Variants in IL17RA observed in about 807,000 individuals in gnomAD.
IL17RA encodes interleukin 17 receptor A.
IL17RA carries 34 observed loss-of-function variants against 50.4 expected under a neutral mutation model. That is an observed-to-expected ratio of 0.67 (90% CI 0.51 to 0.90). IL17RA has a LOEUF of 0.90. IL17RA is among the 40% of genes least tolerant of loss of function. The pLI, the probability that IL17RA is intolerant of heterozygous loss-of-function variation, is 0.00. For missense variants in IL17RA, 1,276 were observed against 1,169.8 expected, an observed-to-expected ratio of 1.09 and a Z score of -1.32; for synonymous variants, 585 against 510.4, an observed-to-expected ratio of 1.15 and a Z score of -1.97.
At chr22:17,106,647 A>G (rs2123808728) in intron 11 of IL17RA, among the ~76,000 whole-genome samples, 1 of 152,316 alleles carries the variant, frequency 6.6e-6, no homozygotes. Flanking sequence ...CTGCCCCACC[A>G]TGACCCTAGG....
In IL17RA at chr22:17,099,549, C is replaced by T. The variant is rs771297614; in HGVS notation, c.423+662C>T. On this transcript the variant is annotated intron_variant, in intron 4 of 12. Transcript: ENST00000319363. Reference sequence around the variant, plus strand: ...CTGGTGCTTAACCCTTAAGTCATCACGATGCGAGCCTTAGTTTGAAGACTA... The same window carrying T: ...CTGGTGCTTAACCCTTAAGTCATCATGATGCGAGCCTTAGTTTGAAGACTA... 1.2e-4 allele frequency among the ~76,000 whole-genome samples: 19 copies of T among 152,050 alleles called. No homozygotes were observed. The East Asian group carries it at 1.7e-3, about 14-fold the overall frequency.
intron 2 of IL17RA, chr22:17,097,409 TTGA>T (rs1360634166): frequency 7.8e-6 from 4 of 513,388 alleles, no homozygotes; most frequent in African/African-American, 7.7e-5. Flanking sequence ...ATCTGTGCTG[TTGA>T]TTTTGTTTTG....
In IL17RA at chr22:17,109,178, C is replaced by T. The variant is rs1032234316; in HGVS notation, c.1959C>T (p.His653=). 2.0e-5 allele frequency: 31 copies of T among 1,525,092 alleles called. No homozygotes were observed. In the Admixed American group the frequency reaches 4.8e-4, roughly 23 times the overall value. The allele number at this position is 1,525,092 out of a possible 1,614,324, so 94.5% of individuals were successfully genotyped here. The change falls in exon 13 of 13, where the codon CAC becomes CAT. Residue 653 remains histidine (H), a synonymous_variant. Transcript: ENST00000319363. The stretch of plus-strand genomic sequence containing the variant: ...CAGCAGTGGCAAAGCTGGAACCTCA[C>T]CTGCAGCCCCGGGGTCAGCCAGCGC... The part of the protein sequence containing the change: ...GGAAVAKLEP[H]LQPRGQPAPQ...
At chr22:17,094,673 C>CTATATATATATATA (rs1568917416) in intron 1 of IL17RA, among the ~76,000 whole-genome samples, 663 of 47,810 alleles carry the variant, frequency 0.014, 54 homozygotes, top group Non-Finnish European at 0.018. Flanking sequence ...CTCTCTCTCT[C>CTATATATATATATA]TCTCTCTCTC....
At chr22:17,105,126 G>A (rs1410022267) in intron 9 of IL17RA, among the ~76,000 whole-genome samples, 3 of 152,206 alleles carry the variant, frequency 2.0e-5, no homozygotes, top group Non-Finnish European at 4.4e-5. Flanking sequence ...TGAGCGCAGT[G>A]CTCCAACATG....
intron 4 of IL17RA, among the ~76,000 whole-genome samples, chr22:17,099,176 T>C (rs1476659105): frequency 6.6e-6 from 1 of 152,226 alleles, no homozygotes; most frequent in Non-Finnish European, 1.5e-5. Flanking sequence ...GAAGTTGAAT[T>C]GGAAGGCAGC....
Position 17,110,933 on chromosome 22 carries a change from C to G in IL17RA, c.*1113C>G, listed in dbSNP as rs882643. On this transcript the variant is annotated 3_prime_UTR_variant, in exon 13 of 13. Transcript: ENST00000319363. ...GGGGATCCCCGAGGAGATGCCTGAGCTGAAGGATTGTGGTTGGGGAAAGCG... is the reference window on the plus strand; with the variant it reads ...GGGGATCCCCGAGGAGATGCCTGAGGTGAAGGATTGTGGTTGGGGAAAGCG... The G allele has an allele frequency of 0.12, 18,576 of 152,428 alleles. 1,354 individuals carry two copies. Among genetic ancestry groups the G allele is most frequent in the Non-Finnish European group, 0.16 (10,863 of 68,162 alleles). 9.4% of individuals were successfully genotyped at this position (152,428 alleles called of 1,614,324 possible). A position where few individuals can be genotyped will look rare whatever the true frequency, so the allele number is the denominator to read the frequency against.
chr22:17,106,457 G>C (rs1260276054), intron 11 of IL17RA, among the ~76,000 whole-genome samples: 2 of 152,226 alleles, frequency 1.3e-5, no homozygotes, highest in Admixed American at 6.5e-5. Flanking sequence ...TCACTTTTCT[G>C]TAAAATGTAC....
intron 10 of IL17RA, 111 bp downstream of exon 10, chr22:17,105,713 C>A (rs867675646): frequency 2.2e-6 from 3 of 1,341,654 alleles, no homozygotes; most frequent in Non-Finnish European, 3.0e-6. Flanking sequence ...CCGAGGCCAG[C>A]CCGGGGTGGG....
rs140221307 is a variant in IL17RA at position 17,105,867 on chromosome 22, T to C, written c.958T>C (p.Trp320Arg). The change falls in exon 11 of 13, where the codon TGG becomes CGG. Residue 320 changes from tryptophan (W) to arginine (R), a missense_variant. By Grantham distance (101) the Trp-to-Arg change is moderately radical. Transcript: ENST00000319363. ...GCTCACCGCAGACTACATGCCCCTG[T>C]GGGTGTACTGGTTCATCACGGGCAT... ...PEPIPDYMPL[W>R]VYWFITGISI... is the part of the protein sequence containing the mutation. 3.9e-3 allele frequency: 6,272 copies of C among 1,613,944 alleles called. 19 individuals carry two copies. The highest frequency in any genetic ancestry group is 4.9e-3 in the Non-Finnish European group (5,821 of 1,179,866).
intron 10 of IL17RA, 57 bp downstream of exon 10, chr22:17,105,659 G>A (rs1172837367): frequency 7.0e-5 from 112 of 1,592,918 alleles, no homozygotes; most frequent in Non-Finnish European, 9.5e-5. Flanking sequence ...TTCCCCAGTG[G>A]CCACTTGAGA....
intron 1 of IL17RA, among the ~76,000 whole-genome samples, chr22:17,088,652 A>C (rs1175475837): frequency 2.0e-5 from 3 of 151,712 alleles, no homozygotes; most frequent in Admixed American, 2.0e-4. Flanking sequence ...ATGCCCAGCT[A>C]ATTTTTGTTA....
At chr22:17,103,189 G>A (rs1291393273) in intron 7 of IL17RA, among the ~76,000 whole-genome samples, 1 of 152,188 alleles carries the variant, frequency 6.6e-6, no homozygotes, top group Non-Finnish European at 1.5e-5. Flanking sequence ...GCTCAGTGCA[G>A]GAAACGTGTG....
chr22:17,114,029 T>A lies in IL17RA; in HGVS notation c.*4209T>A, dbSNP rs2061456770. On this transcript the variant is annotated 3_prime_UTR_variant, in exon 13 of 13. Transcript: ENST00000319363. ...TGTTTGCCTTTTCAGATTATAGAAGTAATATGTGTTCCCATATTTGGCGTC... is the reference window on the plus strand; with the variant it reads ...TGTTTGCCTTTTCAGATTATAGAAGAAATATGTGTTCCCATATTTGGCGTC... 1 of 152,216 alleles carries A rather than the reference T, an allele frequency of 6.6e-6. No homozygotes were observed. The highest frequency in any genetic ancestry group is 2.1e-4 in the South Asian group (1 of 4,834). 9.4% of individuals were successfully genotyped at this position (152,216 alleles called of 1,614,324 possible).
intron 2 of IL17RA, 106 bp from the exon 3 acceptor site, chr22:17,097,663 ACGCGGCCAAGGGCCACAGGCTGGAAGGC>A: frequency 1.0e-6 from 1 of 957,926 alleles, no homozygotes. Flanking sequence ...AAAGCTGAGG[ACGCGGCCAAGGGCCACAGGCTGGAAGGC>A]CGCGGGCCCC....
intron 11 of IL17RA, among the ~76,000 whole-genome samples, chr22:17,107,305 G>C (rs1025588056): frequency 3.3e-5 from 5 of 152,194 alleles, no homozygotes; most frequent in South Asian, 2.1e-4. Context: ...CAGGGAGACA[G>C]GGCAGACCAG....
rs200937197 is a variant in IL17RA, at chr22:17,105,724, G to GT, written c.943+122_943+123insT. ...TGAACCGAGGCCAGCCCGGGGTGGG[G>GT]GGTGAGACCATGGTTTGTCGTGGTG... is the stretch of plus-strand genomic sequence containing the variant. On this transcript the variant is annotated intron_variant, in intron 10 of 12. Transcript: ENST00000319363. The GT allele has an allele frequency of 0.14, 194,891 of 1,384,630 alleles. 14,066 individuals carry two copies. The highest frequency in any genetic ancestry group is 0.15 in the Non-Finnish European group (146,758 of 976,518). The allele number at this position is 1,384,630 out of a possible 1,614,324, so 85.8% of individuals were successfully genotyped here. A position where few individuals can be genotyped will look rare whatever the true frequency, so the allele number is the denominator to read the frequency against.
At chr22:17,086,435 T>C (rs1028912996) in intron 1 of IL17RA, among the ~76,000 whole-genome samples, 2 of 152,154 alleles carry the variant, frequency 1.3e-5, no homozygotes, top group Non-Finnish European at 2.9e-5. Flanking sequence ...ACTTCCACTA[T>C]TGGGCAAAGC....
At position 17,097,874 on chromosome 22, in the gene IL17RA, C is replaced by T. The variant is rs1240100389; in HGVS notation, c.241C>T (p.His81Tyr). 2 of 1,614,132 alleles carry T rather than the reference C, an allele frequency of 1.2e-6. No homozygotes were observed. Among genetic ancestry groups the T allele is most frequent in the Non-Finnish European group, 1.7e-6 (2 of 1,180,050 alleles). Residue 81 changes from histidine to tyrosine, a missense_variant, in exon 3 of 13, where the codon CAC becomes TAC. Coordinates refer to ENST00000319363, the MANE Select transcript of IL17RA (RefSeq NM_014339.7). ...CCCAAAGGACCTGCAGATCCAGCTG[C>T]ACTTTGCCCACACCCAACAAGGAGA... ...SSPKDLQIQL[H>Y]FAHTQQGDLF...
Sources: gnomAD v4.1 joint callset for allele counts (sites outside exome capture counted in the v4.1 genomes callset) on GRCh38, gnomAD v4.1.1 for gene constraint, MANE v1.5 for transcripts, NCBI Gene and HGNC (gene_info 2026-07-23, HGNC 2026-07-21) for gene names.